EPHA4: variants seen among roughly 807,000 people sequenced by gnomAD.
The protein encoded by EPHA4 is ephrin type-A receptor 4.
EPHA4 carries 19 observed loss-of-function variants against 108.3 expected under a neutral mutation model. That is an observed-to-expected ratio of 0.18 (90% confidence interval 0.12 to 0.26). The LOEUF is 0.26. EPHA4 is among the 10% of genes least tolerant of loss of function. EPHA4 has a pLI of 1.00. For synonymous variants in EPHA4, 449 were observed against 455.5 expected (o/e 0.99, Z 0.18); for missense variants, 917 against 1,254.0 (o/e 0.73, Z 4.06).
At chr2:221,542,848 A>AT (rs1158567020) in intron 3 of EPHA4, among the ~76,000 whole-genome samples, 2 of 152,170 alleles carry the variant, frequency 1.3e-5, no homozygotes, top group African/African-American at 4.8e-5. Context: ...AAATTAATTG[A>AT]TTTTTTAGAA....
intron 8 of EPHA4, among the ~76,000 whole-genome samples, chr2:221,454,027 A>T (rs1284456965): frequency 6.6e-6 from 1 of 152,014 alleles, no homozygotes; most frequent in Non-Finnish European, 1.5e-5. Context: ...AAATACAAAA[A>T]TTAGCTGCCA....
chr2:221,488,956 T>C (rs1353038243), intron 4 of EPHA4, among the ~76,000 whole-genome samples: 2 of 152,238 alleles, frequency 1.3e-5, no homozygotes, highest in Non-Finnish European at 1.5e-5. Flanking sequence ...ACACAGTTGC[T>C]GGCTTATGTC....
At position 221,455,592 on chromosome 2, in the gene EPHA4, A is replaced by G. The variant is rs1183713443; in HGVS notation, c.1670T>C (p.Val557Ala). 2 of 1,613,896 alleles carry G rather than the reference A, an allele frequency of 1.2e-6. No homozygotes were observed. Among genetic ancestry groups the G allele is most frequent in the Non-Finnish European group, 8.5e-7 (1 of 1,179,940 alleles). Residue 557 changes from valine to alanine, a missense_variant, in exon 8 of 18, where the codon GTG (valine) becomes GCG (alanine). By Grantham distance (64) the Val-to-Ala change is moderately conservative. Coordinates refer to ENST00000281821, the MANE Select transcript of EPHA4 (RefSeq NM_004438.5). ...TVLLVSVSGS[V>A]VLVVILIAAF... Reference sequence around the variant, plus strand: ...TGCAATGAGAATTACCACCAGCACCACACTGCCCGAGACAGAGACCAGAAG... The same window carrying G: ...TGCAATGAGAATTACCACCAGCACCGCACTGCCCGAGACAGAGACCAGAAG...
At chr2:221,486,206 A>G (rs1691968163) in intron 4 of EPHA4, among the ~76,000 whole-genome samples, 1 of 152,178 alleles carries the variant, frequency 6.6e-6, no homozygotes, top group Non-Finnish European at 1.5e-5. Flanking sequence ...GAGTACATAC[A>G]CCCATCGGGT....
At chr2:221,447,856 T>G (rs1302284423) in intron 8 of EPHA4, among the ~76,000 whole-genome samples, 1 of 151,978 alleles carries the variant, frequency 6.6e-6, no homozygotes, top group Non-Finnish European at 1.5e-5. Flanking sequence ...ATTTATTATT[T>G]TTTGAGACAG....
intron 5 of EPHA4, among the ~76,000 whole-genome samples, chr2:221,473,180 G>T (rs1691543307): frequency 6.6e-6 from 1 of 152,162 alleles, no homozygotes; most frequent in South Asian, 2.1e-4. Flanking sequence ...TTTGGCAGAA[G>T]CAAAGAATGA....
intron 15 of EPHA4, 41 bp downstream of exon 15, chr2:221,429,917 T>C (rs374568057): frequency 6.2e-7 from 1 of 1,607,098 alleles, no homozygotes; most frequent in South Asian, 1.1e-5. Flanking sequence ...CCTCCTCTAA[T>C]GTGTTCTTTC....
intron 3 of EPHA4, among the ~76,000 whole-genome samples, chr2:221,539,373 C>T (rs546340879): frequency 2.0e-5 from 3 of 152,110 alleles, no homozygotes; most frequent in African/African-American, 7.2e-5. Context: ...GTACTCTGTG[C>T]CCTAACAAGT....
chr2:221,502,164 ACTC>A (rs1374887769), intron 3 of EPHA4, among the ~76,000 whole-genome samples: 1 of 151,828 alleles, frequency 6.6e-6, no homozygotes, highest in Non-Finnish European at 1.5e-5. Flanking sequence ...TTCTGGGAAA[ACTC>A]ATAATAAAAA....
chr2:221,566,872 A>AAGAAGAAGGAGAAGGAGAAGGAGAAGG, intron 2 of EPHA4, among the ~76,000 whole-genome samples: 1 of 41,604 alleles, frequency 2.4e-5, no homozygotes, highest in Non-Finnish European at 4.6e-5. Context: ...GAAGAAGAAG[A>AAGAAGAAGGAGAAGGAGAAGGAGAAGG]AGAAGGAGAA....
intron 3 of EPHA4, among the ~76,000 whole-genome samples, chr2:221,536,176 C>T (rs145385716): frequency 1.2e-3 from 178 of 152,278 alleles, no homozygotes; most frequent in African/African-American, 4.0e-3. Flanking sequence ...CTACCGGGCA[C>T]CCTGTGGATG....
At chr2:221,481,252 A>G (rs942513449) in intron 5 of EPHA4, among the ~76,000 whole-genome samples, 4 of 152,232 alleles carry the variant, frequency 2.6e-5, no homozygotes, top group African/African-American at 9.6e-5. Flanking sequence ...CACTTCATGA[A>G]CAGGAAATGT....
rs561527163 is a variant in EPHA4, at chr2:221,490,027, T to C, written c.980-7337A>G. 9.9e-5 allele frequency among the ~76,000 whole-genome samples: 15 copies of C among 151,868 alleles called. No individual in the cohort carries two copies. In the South Asian group the frequency reaches 2.5e-3, roughly 25 times the overall value. On this transcript the variant is annotated intron_variant, in intron 4 of 17. Transcript: ENST00000281821. Reference sequence around the variant, plus strand: ...CAGGTGTAGTGGCATGTTCCTGTAGTCCCAGCTACTTGGGAAGCTGAGGTG... The same window carrying C: ...CAGGTGTAGTGGCATGTTCCTGTAGCCCCAGCTACTTGGGAAGCTGAGGTG...
chr2:221,466,640 T>A (rs1691321686), intron 5 of EPHA4, among the ~76,000 whole-genome samples: 1 of 152,204 alleles, frequency 6.6e-6, no homozygotes, highest in Non-Finnish European at 1.5e-5. Flanking sequence ...ATTTATTGAG[T>A]AATTATGATG....
intron 5 of EPHA4, among the ~76,000 whole-genome samples, chr2:221,473,552 GAAAAAAAAAA>G (rs772366510): frequency 9.1e-6 from 1 of 109,688 alleles, no homozygotes; most frequent in Non-Finnish European, 1.8e-5. Flanking sequence ...GTGTTTAAAG[GAAAAAAAAAA>G]AAAAAAAAAA....
At chr2:221,525,522 C>T (rs1164761273) in intron 3 of EPHA4, among the ~76,000 whole-genome samples, 3 of 152,186 alleles carry the variant, frequency 2.0e-5, no homozygotes, top group African/African-American at 7.2e-5. Flanking sequence ...GGACGAACGA[C>T]TCAGTGGTTA....
In EPHA4 at chr2:221,486,735, AAATAAT is replaced by A. The variant is rs34218724; in HGVS notation, c.980-4051_980-4046del. ...GGTAACAGAGTGAGACTCTGTCTCAAAATAATAATAATAATAATAATAATAATAATA... is the reference window on the plus strand; with the variant it reads ...GGTAACAGAGTGAGACTCTGTCTCAAAATAATAATAATAATAATAATAATA... On this transcript the variant is annotated intron_variant, in intron 4 of 17. Transcript: ENST00000281821. Among the ~76,000 whole-genome samples the A allele has an allele frequency of 9.7e-3, 1,350 of 138,992 alleles. 8 individuals are homozygous for A. Among genetic ancestry groups the A allele is most frequent in the African/African-American group, 0.026 (1,003 of 37,884 alleles). 91.2% of individuals were successfully genotyped at this position (138,992 alleles called of 152,430 possible). A position where few individuals can be genotyped will look rare whatever the true frequency, so the allele number is the denominator to read the frequency against.
intron 3 of EPHA4, among the ~76,000 whole-genome samples, chr2:221,505,596 T>C (rs1692605115): frequency 6.6e-6 from 1 of 152,192 alleles, no homozygotes; most frequent in Non-Finnish European, 1.5e-5. Context: ...AGTGCCAGGA[T>C]TACAGGAATG....
intron 5 of EPHA4, among the ~76,000 whole-genome samples, chr2:221,462,388 C>A (rs909618827): frequency 5.3e-5 from 8 of 151,858 alleles, no homozygotes; most frequent in Admixed American, 1.3e-4. Flanking sequence ...TTTTTTATTA[C>A]CCCTAAGGAG....
Sources: allele counts gnomAD v4.1 joint callset (sites outside exome capture counted in the v4.1 genomes callset), GRCh38; gene constraint gnomAD v4.1.1; transcripts MANE v1.5; gene names NCBI Gene and HGNC (gene_info 2026-07-23, HGNC 2026-07-21).